The following STK31 variants were observed in gnomAD, a reference collection of about 807,000 sequenced individuals.
STK31 encodes serine/threonine-protein kinase 31.
A neutral mutation model predicts 129.7 loss-of-function variants in STK31; 89 were observed. The ratio of observed to expected loss-of-function variants is 0.69; its 90% CI spans 0.58 to 0.82. The LOEUF (loss-of-function observed/expected upper bound fraction) is 0.82. STK31 is among the 40% of genes least tolerant of loss of function. The probability of loss-of-function intolerance (pLI) is 0.00; values close to 1 mark genes in which losing one functional copy is unlikely to be tolerated. For synonymous variants in STK31, 448 were observed against 395.3 expected (o/e 1.13, Z -1.58); for missense variants, 1,187 against 1,176.4 (o/e 1.01, Z -0.13).
chr7:23,808,793 G>A (rs964331234), intron 22 of STK31, among the ~76,000 whole-genome samples: 3 of 151,886 alleles, frequency 2.0e-5, no homozygotes, highest in African/African-American at 7.2e-5. Flanking sequence ...TCCTCACTCA[G>A]CACTACTAAT....
intron 3 of STK31, among the ~76,000 whole-genome samples, chr7:23,713,557 A>G (rs576960468): frequency 6.6e-6 from 1 of 152,328 alleles, no homozygotes; most frequent in South Asian, 2.1e-4. Context: ...TAAAACAAAC[A>G]TTGTAGAGCT....
intron 8 of STK31, among the ~76,000 whole-genome samples, chr7:23,750,362 C>A (rs1306318156): frequency 6.6e-6 from 1 of 152,042 alleles, no homozygotes; most frequent in Non-Finnish European, 1.5e-5. Context: ...TTAGGAGTAG[C>A]AGTTTTCCCA....
rs541742374 is a variant in STK31, at chr7:23,735,836, A to G, written c.782A>G (p.Glu261Gly). The change falls in exon 7 of 24, where the codon GAG (glutamate) becomes GGG (glycine). Residue 261 changes from glutamate to glycine, a missense_variant. Glu to Gly is a moderately conservative substitution (Grantham distance 98). Transcript: ENST00000355870. The stretch of plus-strand genomic sequence containing the variant: ...AGCAGGCCCAAGGGGCACTTAAGTG[A>G]GAAAATGACTCTTGACTTGAAGGAT... ...TFSRPKGHLS[E>G]KMTLDLKDEN... 1.9e-6 allele frequency: 3 copies of G among 1,607,516 alleles called. No homozygotes were observed. The highest frequency in any genetic ancestry group is 2.6e-6 in the Non-Finnish European group (3 of 1,176,198).
chr7:23,710,599 T>C (rs1241280224), intron 1 of STK31: 1 of 1,296,208 alleles, frequency 7.7e-7, no homozygotes, highest in Non-Finnish European at 9.8e-7. Context: ...CTCTTCCCCT[T>C]CTCGAAAATT....
At chr7:23,776,836 A>T (rs1311337469) in intron 15 of STK31, among the ~76,000 whole-genome samples, 2 of 151,346 alleles carry the variant, frequency 1.3e-5, no homozygotes, top group Non-Finnish European at 2.9e-5. Flanking sequence ...TTCTGCCCTG[A>T]TCTTAGTTAT....
intron 23 of STK31, among the ~76,000 whole-genome samples, chr7:23,825,564 G>A (rs1794092413): frequency 6.6e-6 from 1 of 151,966 alleles, no homozygotes; most frequent in African/African-American, 2.4e-5. Context: ...TGGATTCATT[G>A]ATTTTTTGAA....
At chr7:23,832,092 G>T in intron 23 of STK31, 44 bp from the exon 24 acceptor site, 1 of 1,386,772 alleles carries the variant, frequency 7.2e-7, no homozygotes, top group Non-Finnish European at 1.0e-6. Context: ...TTACAGATTT[G>T]TCCTTTTGTT....
chr7:23,814,256 A>C (rs925931468), intron 22 of STK31, among the ~76,000 whole-genome samples: 3 of 144,346 alleles, frequency 2.1e-5, no homozygotes, highest in East Asian at 2.1e-4. Flanking sequence ...TAAACCTTTC[A>C]GTGTTTTCCT....
intron 23 of STK31, among the ~76,000 whole-genome samples, chr7:23,823,878 TG>T (rs1793942174): frequency 1.3e-5 from 2 of 152,214 alleles, no homozygotes; most frequent in Non-Finnish European, 2.9e-5. Context: ...TGCTTGTTTT[TG>T]TCAGGTTTGT....
At chr7:23,803,869 T>C (rs1792530551) in intron 22 of STK31, among the ~76,000 whole-genome samples, 2 of 152,216 alleles carry the variant, frequency 1.3e-5, no homozygotes, top group African/African-American at 4.8e-5. Context: ...TATAGTTTTA[T>C]CATGACACCA....
intron 22 of STK31, among the ~76,000 whole-genome samples, chr7:23,809,663 T>C (rs1792961695): frequency 6.6e-6 from 1 of 152,218 alleles, no homozygotes; most frequent in Non-Finnish European, 1.5e-5. Flanking sequence ...AAAATCTGCA[T>C]GTTAGTGGGC....
intron 15 of STK31, among the ~76,000 whole-genome samples, chr7:23,776,800 G>A (rs1029376432): frequency 6.6e-6 from 1 of 151,852 alleles, no homozygotes; most frequent in Non-Finnish European, 1.5e-5. Flanking sequence ...TTTTTGAAGG[G>A]TTTTTCATGT....
intron 9 of STK31, 83 bp downstream of exon 9, chr7:23,752,915 A>AT: frequency 1.1e-6 from 1 of 883,632 alleles, no homozygotes; most frequent in Non-Finnish European, 1.8e-6. Flanking sequence ...TGTGCTTGCC[A>AT]TTTTTGCTTT....
chr7:23,714,813 GTAT>G (rs1786201854), intron 3 of STK31, among the ~76,000 whole-genome samples: 1 of 152,042 alleles, frequency 6.6e-6, no homozygotes, highest in African/African-American at 2.4e-5. Flanking sequence ...CAGATGATGA[GTAT>G]TTTACCATTT....
At chr7:23,815,352 G>C in intron 23 of STK31, 140 bp downstream of exon 23, 1 of 574,182 alleles carries the variant, frequency 1.7e-6, no homozygotes. Context: ...AAAAAATTCA[G>C]GTGCCCTACT....
chr7:23,733,626 G>A (rs1787556920), intron 6 of STK31, among the ~76,000 whole-genome samples: 1 of 151,886 alleles, frequency 6.6e-6, no homozygotes, highest in South Asian at 2.1e-4. Context: ...GGCTAACATG[G>A]TGAAACCCCA....
chr7:23,808,943 T>TTTTGTGTGTGTGTGTGTGTGTG, intron 22 of STK31, among the ~76,000 whole-genome samples: 1 of 84,538 alleles, frequency 1.2e-5, no homozygotes, highest in East Asian at 3.3e-4. Context: ...CTTGGAGCTT[T>TTTTGTGTGTGTGTGTGTGTGTG]TGTGTGTGTG....
intron 3 of STK31, among the ~76,000 whole-genome samples, chr7:23,713,684 C>A (rs1347810358): frequency 3.3e-5 from 5 of 152,026 alleles, no homozygotes; most frequent in African/African-American, 1.2e-4. Context: ...TTCAATATCA[C>A]TGTCTTTCAC....
chr7:23,802,366 G>A (rs376267756), intron 22 of STK31, among the ~76,000 whole-genome samples: 3 of 152,170 alleles, frequency 2.0e-5, no homozygotes, highest in East Asian at 1.9e-4. Flanking sequence ...CAGATGGTTC[G>A]TAATTGGGGT....
Sources: allele counts gnomAD v4.1 joint callset (sites outside exome capture counted in the v4.1 genomes callset), GRCh38; gene constraint gnomAD v4.1.1; transcripts MANE v1.5; gene names NCBI Gene and HGNC (gene_info 2026-07-23, HGNC 2026-07-21).